Variants in DPPA2 observed in about 807,000 individuals in gnomAD.
DPPA2 encodes the protein developmental pluripotency associated 2.
In DPPA2, 26 loss-of-function variants were observed where a neutral mutation model predicts 36.2. The ratio of observed to expected loss-of-function variants is 0.72; its 90% CI spans 0.53 to 1.00. The LOEUF (loss-of-function observed/expected upper bound fraction) is 1.00, where lower values mean the gene tolerates loss of function less well. Ranked by LOEUF, DPPA2 falls within the 50% of genes least tolerant of loss-of-function variation. The pLI is 0.00. For synonymous variants in DPPA2, 113 were observed against 123.2 expected (o/e 0.92, Z 0.55); for missense variants, 361 against 365.1 (o/e 0.99, Z 0.09).
chr3:109,307,113 C>T (rs1164326072), intron 6 of DPPA2, among the ~76,000 whole-genome samples: 2 of 151,782 alleles, frequency 1.3e-5, no homozygotes, highest in Non-Finnish European at 2.9e-5. Flanking sequence ...GGACTACAGG[C>T]ACACACCACC....
intron 6 of DPPA2, among the ~76,000 whole-genome samples, chr3:109,306,197 C>A (rs763360881): frequency 2.0e-5 from 3 of 152,168 alleles, no homozygotes; most frequent in Non-Finnish European, 4.4e-5. Flanking sequence ...TGGACCACAG[C>A]AGATGCTTAA....
At chr3:109,310,098 C>T (rs1308312572) in intron 3 of DPPA2, among the ~76,000 whole-genome samples, 1 of 151,246 alleles carries the variant, frequency 6.6e-6, no homozygotes, top group East Asian at 2.0e-4. Flanking sequence ...TGTGGTGGCA[C>T]ATGCCTGTAA....
chr3:109,300,385 G>T lies in DPPA2; in HGVS notation c.*8C>A. 1 of 1,613,310 alleles carries T rather than the reference G, an allele frequency of 6.2e-7. No individual in the cohort carries two copies. On this transcript the variant is annotated 3_prime_UTR_variant, in exon 8 of 9. Coordinates refer to ENST00000478945, the MANE Select transcript of DPPA2 (RefSeq NM_138815.4). ...TCATCTCTTACATTGTATTCAAACA[G>T]GTTGCTGCTACTTCTCTACTGTCAT...
At chr3:109,303,374 T>G (rs1285551693) in intron 7 of DPPA2, among the ~76,000 whole-genome samples, 2 of 145,050 alleles carry the variant, frequency 1.4e-5, no homozygotes, top group South Asian at 4.3e-4. Flanking sequence ...TTCTTACTCT[T>G]TTTTTTTTTT....
At chr3:109,307,279 T>C (rs931125977) in intron 6 of DPPA2, among the ~76,000 whole-genome samples, 1 of 152,030 alleles carries the variant, frequency 6.6e-6, no homozygotes, top group African/African-American at 2.4e-5. Flanking sequence ...ACTACTATTC[T>C]ATGAAACATG....
In DPPA2 at chr3:109,312,544, C is replaced by T. The variant is rs779716407; in HGVS notation, c.181+1G>A. 3 of 1,612,142 alleles carry T rather than the reference C, an allele frequency of 1.9e-6. No homozygotes were observed. Among genetic ancestry groups the T allele is most frequent in the African/African-American group, 2.7e-5 (2 of 74,896 alleles). ...TAACTGAGCAATCCCTGTCCTCATA[C>T]CTGGATTGTATTTCTTAGGCTTCTC... On this transcript the variant is annotated splice_donor_variant, in intron 3 of 8. Transcript: ENST00000478945. LOFTEE classifies it high-confidence loss of function.
At chr3:109,303,235 T>C (rs1289702834) in intron 7 of DPPA2, among the ~76,000 whole-genome samples, 3 of 150,938 alleles carry the variant, frequency 2.0e-5, no homozygotes, top group Non-Finnish European at 3.0e-5. Context: ...GGCCATCATA[T>C]TTTTTATTTC....
intron 1 of DPPA2, among the ~76,000 whole-genome samples, chr3:109,315,947 A>AT (rs2107324100): frequency 6.6e-6 from 1 of 152,340 alleles, no homozygotes. Flanking sequence ...TGAGGAACTG[A>AT]TTGGAAAAAT....
intron 6 of DPPA2, among the ~76,000 whole-genome samples, chr3:109,306,100 T>C (rs901689294): frequency 1.9e-4 from 29 of 152,158 alleles, no homozygotes; most frequent in Non-Finnish European, 3.8e-4. Flanking sequence ...GCAGTACATG[T>C]AGTGTGATAG....
At chr3:109,294,959 T>A (rs985173874) in intron 8 of DPPA2, among the ~76,000 whole-genome samples, 1 of 152,064 alleles carries the variant, frequency 6.6e-6, no homozygotes, top group African/African-American at 2.4e-5. Context: ...AGGTGGAGGT[T>A]GCTGTGAGCC....
Position 109,308,264 on chromosome 3 carries a change from T to A in DPPA2, c.426A>T (p.Arg142Ser). The A allele has an allele frequency of 6.2e-7, 1 of 1,614,264 alleles. No individual in the cohort carries two copies. Among genetic ancestry groups the A allele is most frequent in the East Asian group, 2.2e-5 (1 of 44,888 alleles). The change falls in exon 6 of 9, where the codon AGA (arginine) becomes AGT (serine). Residue 142 changes from arginine (R) to serine (S), a missense_variant. By Grantham distance (110) the Arg-to-Ser change is moderately radical. Coordinates refer to ENST00000478945, the MANE Select transcript of DPPA2 (RefSeq NM_138815.4). ...QDMPEMSQET[R>S]LQRCSRKRKA... ...TGCGTTTCCTCGAACATCGCTGTAA[T>A]CTGGTCTCTTGTGACATTTCAGGCA...
chr3:109,310,903 G>A (rs532858667), intron 3 of DPPA2, among the ~76,000 whole-genome samples: 1 of 152,122 alleles, frequency 6.6e-6, no homozygotes, highest in Non-Finnish European at 1.5e-5. Context: ...CCAGGTTCAA[G>A]TGATTATCAT....
intron 8 of DPPA2, among the ~76,000 whole-genome samples, chr3:109,295,831 A>G (rs989350307): frequency 6.6e-6 from 1 of 152,058 alleles, no homozygotes; most frequent in African/African-American, 2.4e-5. Flanking sequence ...AAAACAGATG[A>G]GTAATGCAAG....
At chr3:109,314,631 A>T in intron 1 of DPPA2, 76 bp from the exon 2 acceptor site, 1 of 1,403,894 alleles carries the variant, frequency 7.1e-7, no homozygotes. Context: ...TTTTATAAGC[A>T]AATGTTTCCT....
intron 1 of DPPA2, among the ~76,000 whole-genome samples, chr3:109,315,162 T>A (rs1337594204): frequency 6.6e-6 from 1 of 152,246 alleles, no homozygotes; most frequent in Non-Finnish European, 1.5e-5. Flanking sequence ...ATGAACAGAA[T>A]GTTTTAGAAC....
rs755158602 is a variant in DPPA2 at position 109,309,240 on chromosome 3, G to T, written c.272C>A (p.Pro91His). ...PALPLPTILP[P>H]INKVCRDTLR... ...AGTGTCCCGACACACCTTATTAATG[G>T]GAGGCAAAATGGTCGGCAAGGGAAG... The change falls in exon 4 of 9, where the codon CCC (proline) becomes CAC (histidine). Residue 91 changes from proline (P) to histidine (H), a missense_variant. Coordinates refer to ENST00000478945, the MANE Select transcript of DPPA2 (RefSeq NM_138815.4). 1.2e-6 allele frequency: 2 copies of T among 1,614,138 alleles called. No individual in the cohort carries two copies. Among genetic ancestry groups the T allele is most frequent in the Admixed American group, 3.3e-5 (2 of 60,004 alleles).
intron 3 of DPPA2, among the ~76,000 whole-genome samples, chr3:109,310,663 G>A (rs1406232632): frequency 2.0e-5 from 3 of 151,440 alleles, no homozygotes; most frequent in Non-Finnish European, 4.4e-5. Context: ...GCGCCACCAT[G>A]CCCAGCTAAT....
At chr3:109,314,612 G>T (rs1343833006) in intron 1 of DPPA2, 57 bp from the exon 2 acceptor site, 2 of 1,486,266 alleles carry the variant, frequency 1.3e-6, no homozygotes, top group Non-Finnish European at 1.8e-6. Flanking sequence ...CTCTTAACCT[G>T]CTTTCTCCTT....
chr3:109,301,643 C>T (rs1707458752), intron 7 of DPPA2, among the ~76,000 whole-genome samples: 1 of 148,658 alleles, frequency 6.7e-6, no homozygotes, highest in African/African-American at 2.5e-5. Flanking sequence ...CAGAGCCAGA[C>T]TCCATCTCAA....
Sources: allele counts gnomAD v4.1 joint callset (sites outside exome capture counted in the v4.1 genomes callset), GRCh38; gene constraint gnomAD v4.1.1; transcripts MANE v1.5; gene names NCBI Gene and HGNC (gene_info 2026-07-23, HGNC 2026-07-21).